The following TOGARAM1 variants were observed in gnomAD, a reference collection of about 807,000 sequenced individuals.
TOGARAM1 encodes TOG array regulator of axonemal microtubules protein 1.
Under a neutral mutation model 166.6 loss-of-function variants are expected in TOGARAM1, and 100 were observed. That is an observed-to-expected ratio of 0.60 (90% confidence interval 0.51 to 0.71). The LOEUF is 0.71. TOGARAM1 is among the 30% of genes least tolerant of loss of function. The pLI is 0.00. For synonymous variants in TOGARAM1, 758 were observed against 763.8 expected (o/e 0.99, Z 0.13); for missense variants, 2,029 against 2,102.7 (o/e 0.96, Z 0.69).
chr14:45,047,219 G>A (rs1048999704), intron 14 of TOGARAM1, among the ~76,000 whole-genome samples: 5 of 151,536 alleles, frequency 3.3e-5, no homozygotes, highest in African/African-American at 9.7e-5. Flanking sequence ...GTGAAACCCC[G>A]TCTCTACTAA....
At position 44,964,347 on chromosome 14, in the gene TOGARAM1, A is replaced by G. The variant is rs1196069736; in HGVS notation, c.1926A>G (p.Pro642=). The G allele has an allele frequency of 1.9e-6, 3 of 1,614,078 alleles. No homozygotes were observed. The highest frequency in any genetic ancestry group is 2.5e-6 in the Non-Finnish European group (3 of 1,180,046). ...DSMHIYGSYS[P]TICTRRVLSA... is the part of the protein sequence containing the mutation. ...TGCACATTTATGGATCTTACAGCCC[A>G]ACTATCTGTACCCGAAGGGTATTAA... The change falls in exon 1 of 20, where the codon CCA becomes CCG. Residue 642 remains proline (P), a synonymous_variant. Coordinates refer to ENST00000361462, the MANE Select transcript of TOGARAM1 (RefSeq NM_001308120.2).
intron 16 of TOGARAM1, among the ~76,000 whole-genome samples, chr14:45,064,071 C>G (rs968941643): frequency 2.6e-5 from 4 of 152,082 alleles, no homozygotes; most frequent in African/African-American, 9.7e-5. Flanking sequence ...AATTTTCTAT[C>G]CACTGACCCC....
intron 1 of TOGARAM1, among the ~76,000 whole-genome samples, chr14:44,981,900 G>C (rs1886559972): frequency 7.1e-6 from 1 of 140,902 alleles, no homozygotes; most frequent in Non-Finnish European, 1.5e-5. Context: ...CTGGAGTGCA[G>C]TGGCGCCATC....
intron 17 of TOGARAM1, among the ~76,000 whole-genome samples, chr14:45,068,148 C>T (rs905057527): frequency 3.3e-5 from 5 of 152,158 alleles, no homozygotes; most frequent in African/African-American, 1.2e-4. Context: ...GTCAGTCAGT[C>T]ATCTGCCTAC....
intron 19 of TOGARAM1, 39 bp downstream of exon 19, chr14:45,071,837 C>A (rs370163630): frequency 4.1e-6 from 6 of 1,469,034 alleles, no homozygotes; most frequent in Non-Finnish European, 5.6e-6. Context: ...ATTTTATTAA[C>A]TAAGGATAAA....
In TOGARAM1 at chr14:44,963,942, C is replaced by T; in HGVS notation, c.1521C>T (p.Asp507=). The change falls in exon 1 of 20, where the codon GAC becomes GAT. Residue 507 remains aspartate, a synonymous_variant. Transcript: ENST00000361462. ...SLLTYPSEDF[D]LPKLSFDLAP... ...TGACCTATCCTAGTGAGGATTTTGACTTGCCCAAACTGTCCTTTGATCTTG... is the reference window on the plus strand; with the variant it reads ...TGACCTATCCTAGTGAGGATTTTGATTTGCCCAAACTGTCCTTTGATCTTG... 5 of 1,614,082 alleles carry T rather than the reference C, an allele frequency of 3.1e-6. No individual in the cohort carries two copies. Among genetic ancestry groups the T allele is most frequent in the Non-Finnish European group, 4.2e-6 (5 of 1,179,936 alleles).
intron 16 of TOGARAM1, among the ~76,000 whole-genome samples, chr14:45,062,871 T>C (rs1195097359): frequency 6.6e-6 from 1 of 152,166 alleles, no homozygotes; most frequent in African/African-American, 2.4e-5. Flanking sequence ...GGAGCATGAG[T>C]ATATTCATTG....
Position 45,049,323 on chromosome 14 carries a change from C to T in TOGARAM1, c.4313+2620C>T, listed in dbSNP as rs893055251. Among the ~76,000 whole-genome samples the T allele has an allele frequency of 5.3e-5, 8 of 151,754 alleles. No homozygotes were observed. The East Asian group carries it at 9.7e-4, about 18-fold the overall frequency. ...TGTCACCCAGGTTGAAGTGCAGTGGCGCCATCTCGGCTCACTGCAAGCTCC... is the reference window on the plus strand; with the variant it reads ...TGTCACCCAGGTTGAAGTGCAGTGGTGCCATCTCGGCTCACTGCAAGCTCC... On this transcript the variant is annotated intron_variant, in intron 14 of 19. Coordinates refer to ENST00000361462, the MANE Select transcript of TOGARAM1 (RefSeq NM_001308120.2).
chr14:45,026,081 T>G (rs1421501534), intron 8 of TOGARAM1, among the ~76,000 whole-genome samples: 1 of 152,212 alleles, frequency 6.6e-6, no homozygotes, highest in Non-Finnish European at 1.5e-5. Flanking sequence ...ATTCATGTCA[T>G]TAATTTTCAG....
intron 5 of TOGARAM1, chr14:45,006,656 T>G (rs1183081103): frequency 6.5e-6 from 1 of 153,900 alleles, no homozygotes; most frequent in Non-Finnish European, 1.4e-5. Flanking sequence ...CAGTTCAACA[T>G]CTCTTCCTTC....
chr14:45,073,518 G>T lies in TOGARAM1; in HGVS notation c.5279G>T (p.Ser1760Ile). The T allele has an allele frequency of 1.2e-6, 2 of 1,613,958 alleles. No individual in the cohort carries two copies. The highest frequency in any genetic ancestry group is 2.2e-5 in the East Asian group (1 of 44,872). Residue 1760 changes from serine (S) to isoleucine (I), a missense_variant, in exon 20 of 20, where the codon AGT becomes ATT. Around this residue, in one of 2 missense-constraint regions of TOGARAM1, gnomAD observed 576 missense variants for 670.5 expected, o/e 0.86. Transcript: ENST00000361462. ...AASQPPHIKK[S>I]LEELLDMTIL... ...TCTCAACCACCACATATCAAAAAGA[G>T]TTTGGAGGAATTACTCGATATGACA... is the stretch of plus-strand genomic sequence containing the variant.
intron 1 of TOGARAM1, among the ~76,000 whole-genome samples, chr14:44,975,416 T>C (rs1313842440): frequency 6.6e-6 from 1 of 152,150 alleles, no homozygotes; most frequent in East Asian, 1.9e-4. Flanking sequence ...GGTTCCATAT[T>C]TTCTCCATAT....
chr14:45,030,073 G>C (rs183454510), intron 10 of TOGARAM1, among the ~76,000 whole-genome samples: 86 of 152,166 alleles, frequency 5.7e-4, no homozygotes, highest in African/African-American at 2.0e-3. Flanking sequence ...GCTCACCTCA[G>C]CCTCCCAGAA....
At position 45,073,643 on chromosome 14, in the gene TOGARAM1, C is replaced by T; in HGVS notation, c.*82C>T. 1 of 1,314,822 alleles carries T rather than the reference C, an allele frequency of 7.6e-7. No homozygotes were observed. The highest frequency in any genetic ancestry group is 1.5e-5 in the African/African-American group (1 of 67,962). The allele number at this position is 1,314,822 out of a possible 1,614,324, so 81.4% of individuals were successfully genotyped here. Reference sequence around the variant, plus strand: ...CTTTCTAAAAGTTATGTTATCAGTGCCTGCACTTCACATCCAGCAAATTAA... The same window carrying T: ...CTTTCTAAAAGTTATGTTATCAGTGTCTGCACTTCACATCCAGCAAATTAA... On this transcript the variant is annotated 3_prime_UTR_variant, in exon 20 of 20. Coordinates refer to ENST00000361462, the MANE Select transcript of TOGARAM1 (RefSeq NM_001308120.2).
intron 16 of TOGARAM1, among the ~76,000 whole-genome samples, chr14:45,056,634 T>C (rs1010064161): frequency 2.2e-4 from 34 of 152,198 alleles, no homozygotes; most frequent in Non-Finnish European, 3.2e-4. Context: ...ATATGGTTTT[T>C]GTCCTTAGCT....
chr14:44,997,884 G>A (rs761138945), intron 2 of TOGARAM1, among the ~76,000 whole-genome samples: 115 of 152,232 alleles, frequency 7.6e-4, no homozygotes, highest in Non-Finnish European at 1.4e-3. Flanking sequence ...TCAAGATATA[G>A]CACCCAGGTA....
At chr14:44,993,352 A>G (rs1385683284) in intron 1 of TOGARAM1, among the ~76,000 whole-genome samples, 2 of 152,086 alleles carry the variant, frequency 1.3e-5, no homozygotes, top group African/African-American at 4.8e-5. Context: ...CACTATGTAA[A>G]TTTCCAACCA....
In TOGARAM1 at chr14:44,992,072, T is replaced by TAAAAA. The variant is rs71108676; in HGVS notation, c.2047-3649_2047-3645dup. Among the ~76,000 whole-genome samples the TAAAAA allele has an allele frequency of 1.1e-3, 43 of 37,958 alleles. 1 individual carries two copies. Among genetic ancestry groups the TAAAAA allele is most frequent in the Admixed American group, 2.0e-3 (4 of 2,022 alleles). The allele number at this position is 37,958 out of a possible 152,430, so 24.9% of individuals were successfully genotyped here. A position where few individuals can be genotyped will look rare whatever the true frequency, so the allele number is the denominator to read the frequency against. ...GAGAACATAGTGAGACCCTGTCTGT[T>TAAAAA]AAAAAAAAAAAAAAAAAAAAAAAAA... On this transcript the variant is annotated intron_variant, in intron 1 of 19. Coordinates refer to ENST00000361462, the MANE Select transcript of TOGARAM1 (RefSeq NM_001308120.2).
At chr14:45,044,292 A>T (rs1208665436) in intron 12 of TOGARAM1, among the ~76,000 whole-genome samples, 1 of 152,086 alleles carries the variant, frequency 6.6e-6, no homozygotes, top group East Asian at 1.9e-4. Context: ...TTATAGGTGT[A>T]AGCCACCACG....
Sources: allele counts gnomAD v4.1 joint callset (sites outside exome capture counted in the v4.1 genomes callset), GRCh38; gene constraint gnomAD v4.1.1; regional missense constraint gnomAD v4.1.1; transcripts MANE v1.5; gene names NCBI Gene and HGNC (gene_info 2026-07-23, HGNC 2026-07-21).